Variants in ROR2 observed in about 807,000 individuals in gnomAD.
ROR2 encodes ROR family WNT receptor 2.
A neutral mutation model predicts 74.9 loss-of-function variants in ROR2; 33 were observed. The ratio of observed to expected loss-of-function variants is 0.44; its 90% CI spans 0.33 to 0.59. The LOEUF (loss-of-function observed/expected upper bound fraction) is 0.59, where lower values mean the gene tolerates loss of function less well. ROR2 is among the 20% of genes least tolerant of loss of function. The pLI is 0.02. For synonymous variants in ROR2, 586 were observed against 558.7 expected, an observed-to-expected ratio of 1.05 and a Z score of -0.69; for missense variants, 1,216 against 1,313.8, an observed-to-expected ratio of 0.93 and a Z score of 1.15.
intron 5 of ROR2, among the ~76,000 whole-genome samples, chr9:91,736,745 C>T (rs961266810): frequency 6.6e-6 from 1 of 152,306 alleles, no homozygotes; most frequent in African/African-American, 2.4e-5. Flanking sequence ...GGAACTGGGA[C>T]AGCCAATCAG....
At chr9:91,783,687 CATA>C (rs1276798477) in intron 1 of ROR2, among the ~76,000 whole-genome samples, 1 of 152,220 alleles carries the variant, frequency 6.6e-6, no homozygotes, top group Non-Finnish European at 1.5e-5. Flanking sequence ...TTCTTTTTCT[CATA>C]ATATTTACAC....
intron 1 of ROR2, among the ~76,000 whole-genome samples, chr9:91,803,726 G>A (rs1827463241): frequency 6.6e-6 from 1 of 152,156 alleles, no homozygotes; most frequent in Non-Finnish European, 1.5e-5. Context: ...GTCCTTGGGG[G>A]GCCCACAGCC....
In ROR2 at chr9:91,781,633, A is replaced by C. The variant is rs368094415; in HGVS notation, c.98-5815T>G. Among the ~76,000 whole-genome samples, 351 of 152,346 alleles carry C rather than the reference A, an allele frequency of 2.3e-3. 1 individual carries two copies. The highest frequency in any genetic ancestry group is 7.9e-3 in the African/African-American group (330 of 41,586). ...CAGCTAGAAAACCAAACAGCATTCC[A>C]GGTGGGCTGCCAGTACCTAATTGGT... On this transcript the variant is annotated intron_variant, in intron 1 of 8. Coordinates refer to ENST00000375708, the MANE Select transcript of ROR2 (RefSeq NM_004560.4).
intron 1 of ROR2, among the ~76,000 whole-genome samples, chr9:91,949,494 C>T (rs1383801970): frequency 1.3e-5 from 2 of 151,980 alleles, no homozygotes; most frequent in African/African-American, 4.8e-5. Flanking sequence ...GGAGGAAGCC[C>T]GGGTCCTGGG....
intron 1 of ROR2, among the ~76,000 whole-genome samples, chr9:91,947,533 C>T (rs1000769575): frequency 2.0e-5 from 3 of 152,186 alleles, no homozygotes; most frequent in African/African-American, 7.2e-5. Context: ...AGATGGATTT[C>T]TTCTAGACGG....
chr9:91,733,936 G>A lies in ROR2; in HGVS notation c.623-500C>T, dbSNP rs746748301. Among the ~76,000 whole-genome samples, 10 of 152,190 alleles carry A rather than the reference G, an allele frequency of 6.6e-5. No homozygotes were observed. The highest frequency in any genetic ancestry group is 1.5e-4 in the Non-Finnish European group (10 of 68,048). On this transcript the variant is annotated intron_variant, in intron 5 of 8. Transcript: ENST00000375708. The surrounding 1 kb of genome is among the most constrained non-coding windows in gnomAD (Gnocchi z 5.7). ...AGCTCAGCTCTGTGAACTGCAGCTGGAGGAGACAGTTGGTAAAATGCGGAA... is the reference window on the plus strand; with the variant it reads ...AGCTCAGCTCTGTGAACTGCAGCTGAAGGAGACAGTTGGTAAAATGCGGAA...
At chr9:91,822,126 G>A (rs1244327885) in intron 1 of ROR2, among the ~76,000 whole-genome samples, 3 of 152,236 alleles carry the variant, frequency 2.0e-5, no homozygotes, top group African/African-American at 4.8e-5. Flanking sequence ...GAAATGTAAA[G>A]AGGCCAACAT....
intron 1 of ROR2, among the ~76,000 whole-genome samples, chr9:91,914,005 A>G (rs1363060051): frequency 2.0e-5 from 3 of 152,176 alleles, no homozygotes; most frequent in Non-Finnish European, 4.4e-5. Flanking sequence ...CTTTTACAAA[A>G]TAAGATGGTA....
chr9:91,728,366 A>G (rs1837114161), intron 7 of ROR2, among the ~76,000 whole-genome samples: 1 of 152,204 alleles, frequency 6.6e-6, no homozygotes, highest in Non-Finnish European at 1.5e-5. Context: ...CAGTAGTTTT[A>G]TATGGTTTTC....
rs1829816644 is a variant in ROR2 at position 91,872,170 on chromosome 9, G to GT, written c.97+77696dup. On this transcript the variant is annotated intron_variant, in intron 1 of 8. Coordinates refer to ENST00000375708, the MANE Select transcript of ROR2 (RefSeq NM_004560.4). The stretch of plus-strand genomic sequence containing the variant: ...TTACATTACTTATTCACCCTCATTT[G>GT]TTTTTTCTCCCTTTTCCTGGAAAAC... Among the ~76,000 whole-genome samples, 7 of 152,208 alleles carry GT rather than the reference G, an allele frequency of 4.6e-5. No homozygotes were observed. In the South Asian group the frequency reaches 1.5e-3, roughly 32 times the overall value.
At position 91,753,288 on chromosome 9, in the gene ROR2, A is replaced by T. The variant is rs549350131; in HGVS notation, c.494+2783T>A. 2.3e-4 allele frequency among the ~76,000 whole-genome samples: 35 copies of T among 152,370 alleles called. No homozygotes were observed. In the Middle Eastern group the frequency reaches 0.01, roughly 44 times the overall value. On this transcript the variant is annotated intron_variant, in intron 4 of 8. Coordinates refer to ENST00000375708, the MANE Select transcript of ROR2 (RefSeq NM_004560.4). ...AATGTAAAGGAAAAATGAGCGAAGA[A>T]TATGAAGTGGCAATTGACAAAGAGG... is the stretch of plus-strand genomic sequence containing the variant.
chr9:91,782,340 G>A (rs79902509), intron 1 of ROR2, among the ~76,000 whole-genome samples: 4,741 of 152,026 alleles, frequency 0.031, 124 homozygotes, highest in East Asian at 0.13. Flanking sequence ...CATACAAAAG[G>A]TTACTTTGTC....
rs779748056 is a variant in ROR2 at position 91,731,043 on chromosome 9, C to T, written c.1050G>A (p.Leu350=). 1.1e-5 allele frequency: 17 copies of T among 1,614,046 alleles called. No individual in the cohort carries two copies. Among genetic ancestry groups the T allele is most frequent in the Non-Finnish European group, 4.2e-6 (5 of 1,180,040 alleles). ...CAAGCTCAGGGAAGTCTGTGCTGGA[C>T]AGGTGGTGGCTGTGGGGGTGCTGCA... ...WALQHPHSHH[L]SSTDFPELGG... The change falls in exon 7 of 9, where the codon CTG becomes CTA. Residue 350 remains leucine, a synonymous_variant. Transcript: ENST00000375708.
intron 2 of ROR2, among the ~76,000 whole-genome samples, chr9:91,768,634 G>A (rs552415096): frequency 3.7e-4 from 57 of 152,176 alleles, no homozygotes; most frequent in Non-Finnish European, 7.2e-4. Flanking sequence ...TTGTCAGAAC[G>A]CTACCCCTGG....
chr9:91,779,947 A>C (rs1826555191), intron 1 of ROR2, among the ~76,000 whole-genome samples: 1 of 152,206 alleles, frequency 6.6e-6, no homozygotes, highest in Non-Finnish European at 1.5e-5. Context: ...CACTTTATGA[A>C]TGTCTTGTAT....
intron 1 of ROR2, among the ~76,000 whole-genome samples, chr9:91,807,572 C>T (rs1349870515): frequency 1.3e-5 from 2 of 152,146 alleles, no homozygotes; most frequent in African/African-American, 4.8e-5. Flanking sequence ...TTCTGGAGAC[C>T]TAGACTTGCA....
chr9:91,869,055 A>G (rs1013186679), intron 1 of ROR2, among the ~76,000 whole-genome samples: 2 of 152,088 alleles, frequency 1.3e-5, no homozygotes, highest in Non-Finnish European at 2.9e-5. Flanking sequence ...ACACGTGAAT[A>G]TATTTTTTTT....
intron 3 of ROR2, among the ~76,000 whole-genome samples, chr9:91,756,994 TC>T (rs1276787373): frequency 2.0e-5 from 3 of 152,076 alleles, no homozygotes; most frequent in African/African-American, 4.8e-5. Flanking sequence ...GATCTCAAAC[TC>T]CTGACCTCAG....
At chr9:91,750,470 C>T (rs1825565180) in intron 4 of ROR2, among the ~76,000 whole-genome samples, 1 of 152,180 alleles carries the variant, frequency 6.6e-6, no homozygotes. Context: ...CAGCCTCTAA[C>T]AACACATCTT....
Sources: gnomAD v4.1 joint callset for allele counts (sites outside exome capture counted in the v4.1 genomes callset) on GRCh38, gnomAD v4.1.1 for gene constraint, Gnocchi (gnomAD v3.1) non-coding constraint, MANE v1.5 for transcripts, NCBI Gene and HGNC (gene_info 2026-07-23, HGNC 2026-07-21) for gene names.